Variants in TTLL7 observed in about 807,000 individuals in gnomAD.
The protein encoded by TTLL7 is tubulin tyrosine ligase like 7, also known as tubulin polyglutamylase TTLL7.
TTLL7 carries 53 observed loss-of-function variants against 120.2 expected under a neutral mutation model. That is an observed-to-expected ratio of 0.44 (90% CI 0.35 to 0.55). The LOEUF is 0.55. TTLL7 is among the 20% of genes least tolerant of loss of function. The pLI, the probability that TTLL7 is intolerant of heterozygous loss-of-function variation, is 0.00. For missense variants in TTLL7, 803 were observed against 1,054.7 expected, an observed-to-expected ratio of 0.76 and a Z score of 3.31; for synonymous variants, 353 against 351.7, an observed-to-expected ratio of 1.00 and a Z score of -0.04.
At chr1:83,919,932 T>C in intron 12 of TTLL7, 98 bp from the exon 13 acceptor site, 5 of 1,137,344 alleles carry the variant, frequency 4.4e-6, no homozygotes, top group Non-Finnish European at 6.3e-6. Context: ...ATCTATTCTA[T>C]ACCAGTCACA....
chr1:83,981,917 C>T (rs1652004788), intron 1 of TTLL7, among the ~76,000 whole-genome samples: 1 of 151,718 alleles, frequency 6.6e-6, no homozygotes, highest in Non-Finnish European at 1.5e-5. Context: ...TAAAAATCAG[C>T]AAGGATACAG....
intron 20 of TTLL7, among the ~76,000 whole-genome samples, chr1:83,875,204 T>C (rs536749334): frequency 5.9e-5 from 9 of 152,008 alleles, no homozygotes; most frequent in Non-Finnish European, 1.0e-4. Context: ...TGGTAATTAC[T>C]TCCTTGTTTA....
Position 83,867,988 on chromosome 1 carries a change from A to T in TTLL7, c.*1974T>A, listed in dbSNP as rs2100685156. ...AATAGCAAATTCTTCTTTGGGATGC[A>T]TGCAGAGAGGAAAAGTATCTACCAA... On this transcript the variant is annotated 3_prime_UTR_variant, in exon 21 of 21. Coordinates refer to ENST00000260505, the MANE Select transcript of TTLL7 (RefSeq NM_024686.6). 1 of 152,272 alleles carries T rather than the reference A, an allele frequency of 6.6e-6. No individual in the cohort carries two copies. The highest frequency in any genetic ancestry group is 2.1e-4 in the South Asian group (1 of 4,828). 9.4% of individuals were successfully genotyped at this position (152,272 alleles called of 1,614,324 possible). A position where few individuals can be genotyped will look rare whatever the true frequency, so the allele number is the denominator to read the frequency against.
intron 12 of TTLL7, 70 bp downstream of exon 12, chr1:83,921,017 T>C: frequency 6.7e-7 from 1 of 1,482,802 alleles, no homozygotes; most frequent in Non-Finnish European, 9.2e-7. Flanking sequence ...GCACACAAGA[T>C]TAAAACATGA....
At chr1:83,963,877 C>T (rs575040770) in intron 1 of TTLL7, among the ~76,000 whole-genome samples, 4 of 152,052 alleles carry the variant, frequency 2.6e-5, no homozygotes, top group Admixed American at 2.6e-4. Context: ...AATTAAATCC[C>T]AGAAAAATTA....
chr1:83,892,070 C>T (rs939687574), intron 18 of TTLL7, among the ~76,000 whole-genome samples: 1 of 151,742 alleles, frequency 6.6e-6, no homozygotes, highest in African/African-American at 2.4e-5. Flanking sequence ...CTCAAGCGAT[C>T]TGCCCACCAT....
intron 20 of TTLL7, chr1:83,879,770 T>A (rs1370280269): frequency 1.3e-5 from 2 of 151,954 alleles, no homozygotes; most frequent in Non-Finnish European, 2.9e-5. Flanking sequence ...ATGATTATAA[T>A]CACAATACTG....
At position 83,865,275 on chromosome 1, in the gene TTLL7, GCAGCAAAACCATTAATATT is replaced by G. The variant is rs1490119208; in HGVS notation, c.*4668_*4686del. The G allele has an allele frequency of 6.6e-6, 1 of 151,992 alleles. No homozygotes were observed. Among genetic ancestry groups the G allele is most frequent in the African/African-American group, 2.4e-5 (1 of 41,426 alleles). The allele number at this position is 151,992 out of a possible 1,614,324, so 9.4% of individuals were successfully genotyped here. A position where few individuals can be genotyped will look rare whatever the true frequency, so the allele number is the denominator to read the frequency against. On this transcript the variant is annotated 3_prime_UTR_variant, in exon 21 of 21. Coordinates refer to ENST00000260505, the MANE Select transcript of TTLL7 (RefSeq NM_024686.6). Reference sequence around the variant, plus strand: ...AAGCTAATCCTCATACCCAGAATCTGCAGCAAAACCATTAATATTCAGATGTTGTAGCATGTACAGTAGT... The same window carrying G: ...AAGCTAATCCTCATACCCAGAATCTGCAGATGTTGTAGCATGTACAGTAGT...
chr1:83,915,652 T>C (rs1180674835), intron 14 of TTLL7, among the ~76,000 whole-genome samples: 2 of 152,002 alleles, frequency 1.3e-5, no homozygotes, highest in African/African-American at 4.8e-5. Context: ...GGGATCTAAT[T>C]AAACTAAAGA....
chr1:83,875,238 A>G (rs1388782515), intron 20 of TTLL7, among the ~76,000 whole-genome samples: 1 of 151,768 alleles, frequency 6.6e-6, no homozygotes, highest in Non-Finnish European at 1.5e-5. Flanking sequence ...CATTCCTTAA[A>G]CACCATAATT....
At chr1:83,964,306 TAACA>T (rs948485921) in intron 1 of TTLL7, among the ~76,000 whole-genome samples, 12 of 152,088 alleles carry the variant, frequency 7.9e-5, no homozygotes, top group Non-Finnish European at 4.4e-5. Context: ...TCCTTCATTC[TAACA>T]AACAATCATG....
chr1:83,952,115 C>T, intron 2 of TTLL7, 72 bp downstream of exon 2: 13 of 1,483,668 alleles, frequency 8.8e-6, no homozygotes, highest in Non-Finnish European at 1.2e-5. Context: ...ATTTTTAATA[C>T]TTTAAAAATA....
chr1:83,942,738 G>T lies in TTLL7; in HGVS notation c.507-59C>A, dbSNP rs867304525. The T allele has an allele frequency of 1.5e-4, 196 of 1,270,702 alleles. No individual in the cohort carries two copies. The Middle Eastern group carries it at 3.7e-3, about 24-fold the overall frequency. 78.7% of individuals were successfully genotyped at this position (1,270,702 alleles called of 1,614,324 possible). On this transcript the variant is annotated intron_variant, in intron 6 of 20. Coordinates refer to ENST00000260505, the MANE Select transcript of TTLL7 (RefSeq NM_024686.6). ...TGACATAGAGCAAGGTGTTTAAAAA[G>T]TTATAGATATACTCAAATGGAAAAT... is the stretch of plus-strand genomic sequence containing the variant.
intron 13 of TTLL7, among the ~76,000 whole-genome samples, chr1:83,918,976 C>T (rs905096072): frequency 1.3e-5 from 2 of 151,950 alleles, no homozygotes; most frequent in Non-Finnish European, 2.9e-5. Context: ...GTCTGACTAC[C>T]CTGCTGAGAG....
At chr1:83,887,080 C>T (rs1655034982) in intron 19 of TTLL7, 2 of 238,028 alleles carry the variant, frequency 8.4e-6, no homozygotes, top group South Asian at 1.4e-4. Flanking sequence ...CTGTTTGATA[C>T]ATCAGCAAAA....
At chr1:83,981,721 A>C (rs1276598181) in intron 1 of TTLL7, among the ~76,000 whole-genome samples, 2 of 151,888 alleles carry the variant, frequency 1.3e-5, no homozygotes, top group South Asian at 2.1e-4. Context: ...AGTCCCCGCT[A>C]CTCAGGAGGC....
intron 18 of TTLL7, among the ~76,000 whole-genome samples, chr1:83,896,250 T>C (rs1304917800): frequency 2.6e-5 from 4 of 152,032 alleles, no homozygotes; most frequent in Non-Finnish European, 4.4e-5. Context: ...TTATGACTTT[T>C]AAAAGCATCC....
rs2100682769 is a variant in TTLL7, at chr1:83,866,174, T to C, written c.*3788A>G. 1 of 151,974 alleles carries C rather than the reference T, an allele frequency of 6.6e-6. No individual in the cohort carries two copies. Among genetic ancestry groups the C allele is most frequent in the Admixed American group, 6.5e-5 (1 of 15,276 alleles). The allele number at this position is 151,974 out of a possible 1,614,324, so 9.4% of individuals were successfully genotyped here. A position where few individuals can be genotyped will look rare whatever the true frequency, so the allele number is the denominator to read the frequency against. ...AGTTTTCTGTCACTCTTGAGGTATT[T>C]ACTATTTTTTAAAGAATACACATTT... On this transcript the variant is annotated 3_prime_UTR_variant, in exon 21 of 21. Transcript: ENST00000260505.
At chr1:83,994,850 A>G (rs1350081669) in intron 1 of TTLL7, among the ~76,000 whole-genome samples, 1 of 152,238 alleles carries the variant, frequency 6.6e-6, no homozygotes, top group African/African-American at 2.4e-5. Flanking sequence ...AGGACCCTGA[A>G]GCTGGAGACC....
Sources: gnomAD v4.1 joint callset for allele counts (sites outside exome capture counted in the v4.1 genomes callset) on GRCh38, gnomAD v4.1.1 for gene constraint, MANE v1.5 for transcripts, NCBI Gene and HGNC (gene_info 2026-07-23, HGNC 2026-07-21) for gene names.